ZNF536: variants seen among roughly 807,000 people sequenced by gnomAD.
The protein encoded by ZNF536 is zinc finger protein 536.
Under a neutral mutation model 84.5 loss-of-function variants are expected in ZNF536, and 13 were observed. The observed-to-expected ratio is 0.15, with a 90% CI of 0.10 to 0.24. ZNF536 has a LOEUF of 0.24. Ranked by LOEUF, ZNF536 falls within the 10% of genes least tolerant of loss-of-function variation. ZNF536 has a pLI of 1.00. For missense variants in ZNF536, 1,536 were observed against 1,747.5 expected (o/e 0.88, Z 2.16); for synonymous variants, 811 against 742.5 (o/e 1.09, Z -1.50).
At chr19:30,413,089 G>A (rs1165662332) in intron 1 of ZNF536, among the ~76,000 whole-genome samples, 1 of 151,764 alleles carries the variant, frequency 6.6e-6, no homozygotes, top group African/African-American at 2.4e-5. Flanking sequence ...ATCCCATGTT[G>A]TTTGTGTTTT....
At chr19:30,247,548 G>A (rs940845880) in intron 1 of ZNF536, among the ~76,000 whole-genome samples, 1 of 152,290 alleles carries the variant, frequency 6.6e-6, no homozygotes, top group African/African-American at 2.4e-5. Flanking sequence ...ACAGCTGGGC[G>A]TGGTGGATCA....
chr19:30,391,421 A>C (rs898635352), intron 1 of ZNF536, among the ~76,000 whole-genome samples: 3 of 152,202 alleles, frequency 2.0e-5, no homozygotes, highest in Admixed American at 2.0e-4. Flanking sequence ...TACTAAATAC[A>C]AAAAAATAGC....
chr19:30,375,020 G>A (rs893838213), intron 1 of ZNF536, among the ~76,000 whole-genome samples: 4 of 151,898 alleles, frequency 2.6e-5, no homozygotes, highest in Non-Finnish European at 5.9e-5. Context: ...TCTGGGAGCG[G>A]GGGAAGGTGA....
At chr19:30,680,664 T>C (rs2050932892) in intron 1 of ZNF536, among the ~76,000 whole-genome samples, 1 of 152,180 alleles carries the variant, frequency 6.6e-6, no homozygotes, top group Non-Finnish European at 1.5e-5. Flanking sequence ...GTTGGACATT[T>C]GGGTTGGTTC....
At chr19:30,257,327 A>C (rs1051511691) in intron 1 of ZNF536, among the ~76,000 whole-genome samples, 2 of 152,262 alleles carry the variant, frequency 1.3e-5, no homozygotes, top group African/African-American at 4.8e-5. Context: ...TCCTCAGATA[A>C]CATTGGCTGT....
chr19:30,446,561 C>T (rs2052359078), intron 2 of ZNF536, among the ~76,000 whole-genome samples: 1 of 152,114 alleles, frequency 6.6e-6, no homozygotes. Context: ...AACCTATCTT[C>T]TGGCCCCTTC....
At chr19:30,558,317 G>A (rs918420091), downstream of ZNF536, among the ~76,000 whole-genome samples, 2 of 152,260 alleles carry the variant, frequency 1.3e-5, no homozygotes, top group Admixed American at 6.5e-5. Context: ...AGAGCCAGGC[G>A]ACACGGGCCC....
chr19:30,399,630 A>G (rs1600563800), intron 1 of ZNF536, among the ~76,000 whole-genome samples: 1 of 151,134 alleles, frequency 6.6e-6, no homozygotes, highest in Non-Finnish European at 1.5e-5. Flanking sequence ...AGTTTTCTGC[A>G]TATGTCTAGC....
At chr19:30,324,644 G>A (rs11084529) in intron 2 of ZNF536, among the ~76,000 whole-genome samples, 27,275 of 152,082 alleles carry the variant, frequency 0.18, 3,062 homozygotes, top group East Asian at 0.43. Flanking sequence ...CTCTTACCTT[G>A]GTCTCCCAAA....
intron 1 of ZNF536, among the ~76,000 whole-genome samples, chr19:30,272,955 C>T (rs2025935058): frequency 6.6e-6 from 1 of 151,992 alleles, no homozygotes; most frequent in African/African-American, 2.4e-5. Context: ...CTTTATTGCC[C>T]AGGCTGGAGT....
chr19:30,662,788 G>A (rs192384951), intron 1 of ZNF536, among the ~76,000 whole-genome samples: 30 of 152,210 alleles, frequency 2.0e-4, no homozygotes, highest in Admixed American at 3.9e-4. Flanking sequence ...TGTGGGAAAA[G>A]GCTGAGCAAA....
intron 3 of ZNF536, among the ~76,000 whole-genome samples, chr19:30,546,517 C>G (rs1157917913): frequency 1.3e-5 from 2 of 152,294 alleles, no homozygotes; most frequent in African/African-American, 4.8e-5. Flanking sequence ...GCATCTCCTG[C>G]TCAGAACCAG....
intron 2 of ZNF536, among the ~76,000 whole-genome samples, chr19:30,455,271 T>G (rs2052785598): frequency 6.6e-6 from 1 of 152,032 alleles, no homozygotes; most frequent in Admixed American, 6.6e-5. Flanking sequence ...TGTGAACACT[T>G]TTTTTTTCAC....
intron 1 of ZNF536, among the ~76,000 whole-genome samples, chr19:30,580,592 C>G (rs896943781): frequency 2.6e-5 from 4 of 152,172 alleles, no homozygotes; most frequent in Admixed American, 1.3e-4. Context: ...CTCCCAGCCC[C>G]TCTTCCAAAG....
intron 1 of ZNF536, among the ~76,000 whole-genome samples, chr19:30,260,788 C>T (rs2025167148): frequency 1.3e-5 from 2 of 152,154 alleles, no homozygotes; most frequent in African/African-American, 4.8e-5. Context: ...GAAGCAGGTA[C>T]AAGCAAATGT....
chr19:30,404,734 C>G (rs8111314), intron 1 of ZNF536, among the ~76,000 whole-genome samples: 85,419 of 151,320 alleles, frequency 0.56, 24,744 homozygotes, highest in Non-Finnish European at 0.61. Flanking sequence ...TGTCCGGAGG[C>G]GGGGGGGCTC....
intron 1 of ZNF536, among the ~76,000 whole-genome samples, chr19:30,651,638 A>G (rs2049710864): frequency 6.6e-6 from 1 of 152,154 alleles, no homozygotes; most frequent in Admixed American, 6.5e-5. Context: ...AATGTTATCA[A>G]CTCTCCAATT....
chr19:30,529,013 G>A (rs1599703927), intron 2 of ZNF536, among the ~76,000 whole-genome samples: 1 of 151,918 alleles, frequency 6.6e-6, no homozygotes, highest in African/African-American at 2.4e-5. Context: ...TAGTCCTCGT[G>A]GGTCAGATGG....
At chr19:30,424,666 C>G (rs2051134334) in intron 1 of ZNF536, among the ~76,000 whole-genome samples, 1 of 152,140 alleles carries the variant, frequency 6.6e-6, no homozygotes, top group Non-Finnish European at 1.5e-5. Context: ...TGAGAGGGAA[C>G]TTATTAAATC....
Sources: allele counts gnomAD v4.1 joint callset (sites outside exome capture counted in the v4.1 genomes callset), GRCh38; gene constraint gnomAD v4.1.1; transcripts MANE v1.5; gene names NCBI Gene and HGNC (gene_info 2026-07-23, HGNC 2026-07-21).